TRIOBP: variants seen among roughly 807,000 people sequenced by gnomAD.
TRIOBP encodes the protein TRIO and F-actin binding protein.
TRIOBP carries 169 observed loss-of-function variants against 238.8 expected under a neutral mutation model. That is an observed-to-expected ratio of 0.71 (90% CI 0.62 to 0.80). The LOEUF (loss-of-function observed/expected upper bound fraction) is 0.80. Ranked by LOEUF, TRIOBP falls within the 30% of genes least tolerant of loss-of-function variation. The pLI is 0.00. For synonymous variants in TRIOBP, 1,150 were observed against 1,274.4 expected (o/e 0.90, Z 2.08); for missense variants, 2,838 against 3,122.6 (o/e 0.91, Z 2.17).
At chr22:37,755,359 TG>T in intron 14 of TRIOBP, 169 bp downstream of exon 14, 1 of 918,022 alleles carries the variant, frequency 1.1e-6, no homozygotes. Flanking sequence ...TTAGCATATC[TG>T]GGGGAGACGC....
At chr22:37,703,206 G>A (rs1049872293) in intron 3 of TRIOBP, among the ~76,000 whole-genome samples, 6 of 151,896 alleles carry the variant, frequency 4.0e-5, no homozygotes, top group African/African-American at 1.5e-4. Flanking sequence ...ATGTTGGTCA[G>A]TCTGGTCTCG....
chr22:37,755,777 A>G lies in TRIOBP; in HGVS notation c.5687+118A>G, dbSNP rs1925888160. On this transcript the variant is annotated intron_variant, in intron 15 of 23. Coordinates refer to ENST00000644935, the MANE Select transcript of TRIOBP (RefSeq NM_001039141.3). The stretch of plus-strand genomic sequence containing the variant: ...TCTGGGCCCTCGTTTCTCTGTCAAC[A>G]ACATGGGAAGAGAGTAGTGAGCATT... 39 of 821,138 alleles carry G rather than the reference A, an allele frequency of 4.7e-5. 1 individual carries two copies. In the South Asian group the frequency reaches 5.6e-4, roughly 12 times the overall value. 50.9% of individuals were successfully genotyped at this position (821,138 alleles called of 1,614,324 possible). A position where few individuals can be genotyped will look rare whatever the true frequency, so the allele number is the denominator to read the frequency against.
intron 21 of TRIOBP, among the ~76,000 whole-genome samples, chr22:37,770,678 A>G (rs1004285418): frequency 7.8e-6 from 1 of 128,972 alleles, no homozygotes; most frequent in Non-Finnish European, 1.6e-5. Context: ...TGCCCAGCCG[A>G]TATTTTATTT....
chr22:37,726,312 C>T lies in TRIOBP; in HGVS notation c.3756C>T (p.Ser1252=), dbSNP rs1485362119. Residue 1252 remains serine, a synonymous_variant, in exon 7 of 24, where the codon TCC becomes TCT. Coordinates refer to ENST00000644935, the MANE Select transcript of TRIOBP (RefSeq NM_001039141.3). ...PSPSPGSSGG[S]RGSAPPGETR... ...CTTCACCGGGCAGCTCTGGGGGCTC[C>T]CGGGGCTCAGCGCCTCCCGGGGAGA... 6.2e-7 allele frequency: 1 copy of T among 1,612,802 alleles called. No individual in the cohort carries two copies. Among genetic ancestry groups the T allele is most frequent in the Non-Finnish European group, 8.5e-7 (1 of 1,179,924 alleles).
At chr22:37,730,269 C>T (rs887826894) in intron 7 of TRIOBP, among the ~76,000 whole-genome samples, 2 of 152,208 alleles carry the variant, frequency 1.3e-5, no homozygotes, top group African/African-American at 2.4e-5. Context: ...CAGGTGGCCC[C>T]GAGGAGACGC....
intron 3 of TRIOBP, among the ~76,000 whole-genome samples, chr22:37,710,192 C>T (rs1434001641): frequency 6.6e-6 from 1 of 152,256 alleles, no homozygotes. Context: ...ACACACATAC[C>T]TGCTCCAAGG....
At chr22:37,759,611 G>T (rs1010693238) in intron 17 of TRIOBP, 38 of 1,553,596 alleles carry the variant, frequency 2.4e-5, no homozygotes, top group Non-Finnish European at 3.1e-5. Flanking sequence ...GGGAAGTGGG[G>T]GGCTAGTGGC....
chr22:37,760,219 A>G (rs1926175420), intron 17 of TRIOBP: 1 of 152,350 alleles, frequency 6.6e-6, no homozygotes, highest in Non-Finnish European at 1.5e-5. Flanking sequence ...TTTTTGTTCT[A>G]TTTACAATGT....
At chr22:37,772,211 GGAA>G (rs1926814306) in intron 22 of TRIOBP, among the ~76,000 whole-genome samples, 1 of 152,186 alleles carries the variant, frequency 6.6e-6, no homozygotes, top group South Asian at 2.1e-4. Flanking sequence ...GTTTGGGGCA[GGAA>G]GTGGACATGT....
At chr22:37,731,643 G>A (rs1171813745) in intron 7 of TRIOBP, among the ~76,000 whole-genome samples, 1 of 151,942 alleles carries the variant, frequency 6.6e-6, no homozygotes, top group Non-Finnish European at 1.5e-5. Context: ...TTTTAGTAGA[G>A]ATTGGGTTTC....
intron 3 of TRIOBP, among the ~76,000 whole-genome samples, chr22:37,709,563 C>T (rs1472591995): frequency 6.6e-6 from 1 of 152,230 alleles, no homozygotes. Flanking sequence ...ACAGCCACCA[C>T]CACCACCAGA....
At chr22:37,712,739 G>A (rs1035350430) in intron 4 of TRIOBP, among the ~76,000 whole-genome samples, 1 of 151,754 alleles carries the variant, frequency 6.6e-6, no homozygotes. Flanking sequence ...GGCGGATCAC[G>A]AGGTCAGGAG....
intron 18 of TRIOBP, among the ~76,000 whole-genome samples, chr22:37,766,036 A>G (rs1926478146): frequency 6.6e-6 from 1 of 152,136 alleles, no homozygotes; most frequent in South Asian, 2.1e-4. Flanking sequence ...CCCACCCCCA[A>G]CACCACCACT....
intron 16 of TRIOBP, 44 bp from the exon 17 acceptor site, chr22:37,759,110 T>C: frequency 6.5e-7 from 1 of 1,528,330 alleles, no homozygotes. Flanking sequence ...CCACCAGCCC[T>C]GCCCCAGCTT....
intron 11 of TRIOBP, among the ~76,000 whole-genome samples, chr22:37,749,730 T>G (rs1266633765): frequency 1.4e-5 from 2 of 145,234 alleles, no homozygotes; most frequent in Admixed American, 1.5e-4. Context: ...GCGGATCACT[T>G]GAGCTCAGGA....
chr22:37,703,591 G>T (rs977333362), intron 3 of TRIOBP, among the ~76,000 whole-genome samples: 2 of 150,638 alleles, frequency 1.3e-5, no homozygotes, highest in African/African-American at 4.9e-5. Context: ...TGCAAGCTCG[G>T]CCTCCCAGGT....
intron 3 of TRIOBP, among the ~76,000 whole-genome samples, chr22:37,702,122 C>CA (rs112697623): frequency 1.1e-4 from 17 of 151,872 alleles, no homozygotes; most frequent in African/African-American, 4.1e-4. Context: ...CAAAACAAAA[C>CA]AAAAAAGAGA....
chr22:37,771,556 G>A, intron 21 of TRIOBP, 94 bp from the exon 22 acceptor site: 1 of 1,105,190 alleles, frequency 9.0e-7, no homozygotes, highest in Non-Finnish European at 1.4e-6. Flanking sequence ...GCATTCTAGG[G>A]GCCTGAGGCA....
chr22:37,753,408 G>A (rs547605748), intron 12 of TRIOBP, among the ~76,000 whole-genome samples: 7 of 152,214 alleles, frequency 4.6e-5, no homozygotes, highest in South Asian at 2.1e-4. Context: ...CCGAGTAGCC[G>A]GGATTACAGG....
Sources: gnomAD v4.1 joint callset for allele counts (sites outside exome capture counted in the v4.1 genomes callset) on GRCh38, gnomAD v4.1.1 for gene constraint, MANE v1.5 for transcripts, NCBI Gene and HGNC (gene_info 2026-07-23, HGNC 2026-07-21) for gene names.